Variants in UQCRC1 observed in about 807,000 individuals in gnomAD.
UQCRC1 encodes the protein cytochrome b-c1 complex subunit 1, mitochondrial.
A neutral mutation model predicts 58.0 loss-of-function variants in UQCRC1; 34 were observed. The observed-to-expected ratio is 0.59, with a 90% CI of 0.45 to 0.78. UQCRC1 has a LOEUF of 0.78. Among genes scored for constraint, UQCRC1 ranks in the 30% least tolerant of loss-of-function variants. The probability of loss-of-function intolerance (pLI) is 0.00; values close to 1 mark genes in which losing one functional copy is unlikely to be tolerated. For synonymous variants in UQCRC1, 276 were observed against 248.8 expected, an observed-to-expected ratio of 1.11 and a Z score of -1.03; for missense variants, 610 against 646.0, an observed-to-expected ratio of 0.94 and a Z score of 0.60.
chr3:48,603,226 A>G (rs1425711521), intron 6 of UQCRC1, among the ~76,000 whole-genome samples: 1 of 152,200 alleles, frequency 6.6e-6, no homozygotes, highest in Non-Finnish European at 1.5e-5. Flanking sequence ...TCAACACACA[A>G]CTAATGGCTG....
At chr3:48,607,292 C>T (rs528648606) in intron 2 of UQCRC1, among the ~76,000 whole-genome samples, 4 of 152,316 alleles carry the variant, frequency 2.6e-5, no homozygotes, top group South Asian at 4.1e-4. Context: ...TCGCCCGCCT[C>T]GGCCTCCCAA....
intron 2 of UQCRC1, 140 bp downstream of exon 2, chr3:48,609,022 G>C: frequency 8.5e-7 from 1 of 1,170,646 alleles, no homozygotes; most frequent in Non-Finnish European, 1.2e-6. Context: ...TAGGGAATGG[G>C]GCCATTCTCG....
Position 48,600,162 on chromosome 3 carries a change from G to A in UQCRC1, c.1214-11C>T, listed in dbSNP as rs1449071492. 1.9e-6 allele frequency: 3 copies of A among 1,613,836 alleles called. No individual in the cohort carries two copies. Among genetic ancestry groups the A allele is most frequent in the South Asian group, 2.2e-5 (2 of 91,082 alleles). The stretch of plus-strand genomic sequence containing the variant: ...ACACAGGAGTAGTGCCTTTAAGGGT[G>A]AGAGAAGGCTCAGAGGTCCACCCAG... On this transcript the variant is annotated splice_polypyrimidine_tract_variant and intron_variant, in intron 10 of 12. Coordinates refer to ENST00000203407, the MANE Select transcript of UQCRC1 (RefSeq NM_003365.3).
At chr3:48,607,126 C>A (rs2046420811) in intron 2 of UQCRC1, among the ~76,000 whole-genome samples, 1 of 152,070 alleles carries the variant, frequency 6.6e-6, no homozygotes, top group Non-Finnish European at 1.5e-5. Context: ...ACTGCAAGCT[C>A]TGCCTCCCAG....
In UQCRC1 at chr3:48,609,321, G is replaced by T. The variant is rs1443269629; in HGVS notation, c.70-19C>A. 2.5e-6 allele frequency: 4 copies of T among 1,594,992 alleles called. No individual in the cohort carries two copies. The highest frequency in any genetic ancestry group is 1.1e-5 in the South Asian group (1 of 90,318). ...GGGCCGGCTGTGGAAGGGAACAGCC[G>T]CGAGTGAGGACTCGGTCAGGGGATC... On this transcript the variant is annotated intron_variant, in intron 1 of 12. Transcript: ENST00000203407.
At position 48,599,473 on chromosome 3, in the gene UQCRC1, T is replaced by C. The variant is rs1277716871; in HGVS notation, c.1378+162A>G. The C allele has an allele frequency of 2.5e-5, 20 of 794,876 alleles. No homozygotes were observed. The East Asian group carries it at 4.8e-4, about 19-fold the overall frequency. The allele number at this position is 794,876 out of a possible 1,614,324, so 49.2% of individuals were successfully genotyped here. ...CAAGGAACTGCTGGGACAGGTTTTC[T>C]GAGCAAGAACTCCCTGGCAGCCAGG... On this transcript the variant is annotated intron_variant, in intron 12 of 12. Transcript: ENST00000203407.
chr3:48,603,647 C>T lies in UQCRC1; in HGVS notation c.627-4G>A. 6.2e-6 allele frequency: 10 copies of T among 1,613,524 alleles called. No homozygotes were observed. The highest frequency in any genetic ancestry group is 8.5e-6 in the Non-Finnish European group (10 of 1,179,774). Reference sequence around the variant, plus strand: ...CAAGTCTGCACGAGACAGCTTCCTACAAGACATATGGTCAGTGTGTCAACA... The same window carrying T: ...CAAGTCTGCACGAGACAGCTTCCTATAAGACATATGGTCAGTGTGTCAACA... On this transcript the variant is annotated splice_region_variant and splice_polypyrimidine_tract_variant and intron_variant, in intron 5 of 12. Transcript: ENST00000203407.
At position 48,601,127 on chromosome 3, in the gene UQCRC1, G is replaced by A; in HGVS notation, c.823-9C>T. ...TCATCACGGTGGCGGATCTGAAACA[G>A]TACATGACAAGGCTGAGGAACAGCC... is the stretch of plus-strand genomic sequence containing the variant. On this transcript the variant is annotated splice_polypyrimidine_tract_variant and intron_variant, in intron 7 of 12. Coordinates refer to ENST00000203407, the MANE Select transcript of UQCRC1 (RefSeq NM_003365.3). 1 of 1,594,742 alleles carries A rather than the reference G, an allele frequency of 6.3e-7. No individual in the cohort carries two copies. The highest frequency in any genetic ancestry group is 8.6e-7 in the Non-Finnish European group (1 of 1,166,562).
At chr3:48,606,771 C>A (rs548569660) in intron 2 of UQCRC1, among the ~76,000 whole-genome samples, 2 of 151,558 alleles carry the variant, frequency 1.3e-5, no homozygotes, top group East Asian at 1.9e-4. Flanking sequence ...AAAAGAAACA[C>A]GTACCACTCA....
rs554794978 is a variant in UQCRC1, at chr3:48,604,328, T to C, written c.531A>G (p.Ala177=). Residue 177 remains alanine, a synonymous_variant, in exon 5 of 13, where the codon GCA becomes GCG. Coordinates refer to ENST00000203407, the MANE Select transcript of UQCRC1 (RefSeq NM_003365.3). ...VILREMQEND[A]SMRDVVFNYL... ...AGTTAAAGACCACATCTCGCATAGA[T>C]GCATCATTCTCCTGCATCTCCCGCA... 12 of 1,614,154 alleles carry C rather than the reference T, an allele frequency of 7.4e-6. No individual in the cohort carries two copies. The highest frequency in any genetic ancestry group is 2.2e-5 in the East Asian group (1 of 44,888).
chr3:48,604,630 G>C (rs779038225), intron 4 of UQCRC1, 21 bp downstream of exon 4: 1 of 1,613,876 alleles, frequency 6.2e-7, no homozygotes, highest in Non-Finnish European at 8.5e-7. Context: ...CTCTGTCCCC[G>C]CCTCTTCCTC....
At chr3:48,599,846 G>C in intron 11 of UQCRC1, 136 bp from the exon 12 acceptor site, 3 of 1,083,398 alleles carry the variant, frequency 2.8e-6, no homozygotes, top group Non-Finnish European at 2.7e-6. Context: ...AAAGGCAGAA[G>C]GGATCCCTGC....
chr3:48,600,077 C>A lies in UQCRC1; in HGVS notation c.1288G>T (p.Glu430Ter). 1 of 1,614,182 alleles carries A rather than the reference C, an allele frequency of 6.2e-7. No homozygotes were observed. Among genetic ancestry groups the A allele is most frequent in the Non-Finnish European group, 8.5e-7 (1 of 1,180,026 alleles). ...GTCCATGTTACCGCAATCCGGCTTT[C>A]CCATTCAGCCAGGGGGATGCGGCGG... The part of the protein sequence containing the change: ...YGRRIPLAEW[E>*]SRIAEVDASV... Residue 430 changes from glutamate to a stop codon, truncating the protein, a stop_gained, in exon 11 of 13, where the codon GAA (glutamate) becomes TAA (stop). Transcript: ENST00000203407. LOFTEE classifies it high-confidence loss of function.
chr3:48,604,726 C>T lies in UQCRC1; in HGVS notation c.352G>A (p.Ala118Thr), dbSNP rs758562898. ...CGGGTGCTGTAGGCATTAAGATGGG[C>T]CCCCATGCTCTCCACCTCCTTCTCC... is the stretch of plus-strand genomic sequence containing the variant. ...ALEKEVESMG[A>T]HLNAYSTREH... Residue 118 changes from alanine (A) to threonine (T), a missense_variant, in exon 4 of 13, where the codon GCC becomes ACC. Ala to Thr is a moderately conservative substitution (Grantham distance 58). Transcript: ENST00000203407. 1.2e-6 allele frequency: 2 copies of T among 1,614,102 alleles called. No homozygotes were observed. The highest frequency in any genetic ancestry group is 1.1e-5 in the South Asian group (1 of 91,078).
chr3:48,608,416 A>C (rs922530948), intron 2 of UQCRC1, among the ~76,000 whole-genome samples: 2 of 152,258 alleles, frequency 1.3e-5, no homozygotes, highest in Non-Finnish European at 2.9e-5. Context: ...TGGAGCACAG[A>C]CAGCTCCTTA....
intron 5 of UQCRC1, 38 bp downstream of exon 5, chr3:48,604,195 G>T: frequency 6.2e-7 from 1 of 1,607,102 alleles, no homozygotes. Context: ...AGGCCAGAAT[G>T]GAGCAAGCAT....
At chr3:48,609,429 C>A in intron 1 of UQCRC1, 123 bp downstream of exon 1, 1 of 1,513,228 alleles carries the variant, frequency 6.6e-7, no homozygotes, top group Non-Finnish European at 8.9e-7. Flanking sequence ...CGCCCTCCGC[C>A]GTGACCTTCC....
Position 48,600,742 on chromosome 3 carries a change from A to G in UQCRC1, c.1065T>C (p.Gly355=), listed in dbSNP as rs1310214531. The G allele has an allele frequency of 2.5e-6, 4 of 1,614,038 alleles. No homozygotes were observed. Among genetic ancestry groups the G allele is most frequent in the Non-Finnish European group, 3.4e-6 (4 of 1,180,054 alleles). ...SICYAETGLL[G]AHFVCDRMKI... Reference sequence around the variant, plus strand: ...TCATTCGGTCACAGACAAAGTGTGCACCCAGCAAGCCCGTCTCTGCATAGC... The same window carrying G: ...TCATTCGGTCACAGACAAAGTGTGCGCCCAGCAAGCCCGTCTCTGCATAGC... Residue 355 remains glycine, a synonymous_variant, in exon 9 of 13, where the codon GGT becomes GGC. Coordinates refer to ENST00000203407, the MANE Select transcript of UQCRC1 (RefSeq NM_003365.3).
At chr3:48,601,326 C>G (rs750576806) in intron 7 of UQCRC1, 26 bp downstream of exon 7, 118 of 1,612,332 alleles carry the variant, frequency 7.3e-5, no homozygotes, top group Non-Finnish European at 9.8e-5. Context: ...CAGCTGAGCA[C>G]TACTCCTGCC....
Sources: gnomAD v4.1 joint callset for allele counts (sites outside exome capture counted in the v4.1 genomes callset) on GRCh38, gnomAD v4.1.1 for gene constraint, MANE v1.5 for transcripts, NCBI Gene and HGNC (gene_info 2026-07-23, HGNC 2026-07-21) for gene names.